The following THBS2 variants were observed in gnomAD, a reference collection of about 807,000 sequenced individuals.
THBS2 encodes the protein thrombospondin-2.
A neutral mutation model predicts 135.2 loss-of-function variants in THBS2; 47 were observed. The ratio of observed to expected loss-of-function variants is 0.35; its 90% confidence interval spans 0.28 to 0.44. The LOEUF (loss-of-function observed/expected upper bound fraction) is 0.44. Ranked by LOEUF, THBS2 falls within the 20% of genes least tolerant of loss-of-function variation. The pLI, the probability that THBS2 is intolerant of heterozygous loss-of-function variation, is 1.00. For synonymous variants in THBS2, 639 were observed against 633.8 expected, an observed-to-expected ratio of 1.01 and a Z score of -0.12; for missense variants, 1,288 against 1,603.1, an observed-to-expected ratio of 0.80 and a Z score of 3.36.
Position 169,234,830 on chromosome 6 carries a change from G to T in THBS2, c.1555C>A (p.Arg519=). ...TCAGGIRERT[R]VCNSPEPQYG... Reference sequence around the variant, plus strand: ...TGAGGCTCAGGGCTGTTGCAGACCCGGGTGCGCTCCCGGATCCCACCGGCA... The same window carrying T: ...TGAGGCTCAGGGCTGTTGCAGACCCTGGTGCGCTCCCGGATCCCACCGGCA... Residue 519 remains arginine (R), a synonymous_variant, in exon 10 of 22, where the codon CGG becomes AGG. Coordinates refer to ENST00000617924, the MANE Select transcript of THBS2 (RefSeq NM_003247.5). The T allele has an allele frequency of 6.2e-7, 1 of 1,613,242 alleles. No individual in the cohort carries two copies. Among genetic ancestry groups the T allele is most frequent in the East Asian group, 2.2e-5 (1 of 44,850 alleles).
At chr6:169,234,512 A>G (rs1276712123) in intron 10 of THBS2, 2 of 513,176 alleles carry the variant, frequency 3.9e-6, no homozygotes, top group African/African-American at 3.9e-5. Flanking sequence ...ACGCCACACA[A>G]CTACCCACAT....
At chr6:169,220,469 G>A (rs1779383823) in intron 20 of THBS2, 132 bp from the exon 21 acceptor site, 2 of 1,146,058 alleles carry the variant, frequency 1.7e-6, no homozygotes, top group Non-Finnish European at 2.5e-6. Flanking sequence ...GTGCCCCAGG[G>A]GGCATTGCTG....
rs1362487205 is a variant in THBS2 at position 169,223,251 on chromosome 6, C to T, written c.2998G>A (p.Val1000Ile). 2 of 1,613,208 alleles carry T rather than the reference C, an allele frequency of 1.2e-6. No homozygotes were observed. The highest frequency in any genetic ancestry group is 8.5e-7 in the Non-Finnish European group (1 of 1,179,412). Residue 1000 changes from valine to isoleucine, a missense_variant, in exon 18 of 22, where the codon GTA (valine) becomes ATA (isoleucine). Physicochemically the swap from Val to Ile is conservative, Grantham distance 29 (BLOSUM62 3). Coordinates refer to ENST00000617924, the MANE Select transcript of THBS2 (RefSeq NM_003247.5). ...CCGCCGTGTCTCAGAGACTCACCTA[C>T]AGCGATGCCGGGGTCCGAGTTGGCT... ...QTANSDPGIA[V>I]GFDEFGSVDF...
intron 4 of THBS2, among the ~76,000 whole-genome samples, chr6:169,245,494 G>A (rs1780508372): frequency 6.6e-6 from 1 of 152,126 alleles, no homozygotes; most frequent in African/African-American, 2.4e-5. Flanking sequence ...ACTATGAACA[G>A]TATAAGAAAA....
chr6:169,223,452 T>C lies in THBS2; in HGVS notation c.2797A>G (p.Lys933Glu). Residue 933 changes from lysine to glutamate, a missense_variant, in exon 18 of 22, where the codon AAA becomes GAA. Physicochemically the swap from Lys to Glu is moderately conservative, Grantham distance 56. Transcript: ENST00000617924. ...ATGTTGTCATTGTCAAAATCATCTTTACAAATATCACCCCGTCCATCACCT... is the reference window on the plus strand; with the variant it reads ...ATGTTGTCATTGTCAAAATCATCTTCACAAATATCACCCCGTCCATCACCT... ...LDGDGRGDIC[K>E]DDFDNDNIPD... The C allele has an allele frequency of 6.2e-7, 1 of 1,614,108 alleles. No individual in the cohort carries two copies. Among genetic ancestry groups the C allele is most frequent in the Non-Finnish European group, 8.5e-7 (1 of 1,180,024 alleles).
intron 9 of THBS2, 148 bp downstream of exon 9, chr6:169,237,022 C>T (rs989215466): frequency 1.9e-5 from 17 of 889,380 alleles, no homozygotes; most frequent in Non-Finnish European, 2.0e-5. Flanking sequence ...GAGCCAGGCC[C>T]GGGATGGCAG....
chr6:169,226,402 A>G, intron 15 of THBS2, 104 bp from the exon 16 acceptor site: 1 of 742,608 alleles, frequency 1.3e-6, no homozygotes, highest in Non-Finnish European at 2.3e-6. Flanking sequence ...GCTTACAGCC[A>G]CACTTCTATT....
chr6:169,242,643 TTCCCACCAC>T (rs1780363495), intron 4 of THBS2, among the ~76,000 whole-genome samples: 10 of 73,404 alleles, frequency 1.4e-4, no homozygotes, highest in East Asian at 5.1e-4. Flanking sequence ...CACTCCCACC[TTCCCACCAC>T]TCCCACCTTC....
rs773460104 is a variant in THBS2 at position 169,240,512 on chromosome 6, G to T, written c.972C>A (p.Gly324=). 1.2e-6 allele frequency: 2 copies of T among 1,614,004 alleles called. No homozygotes were observed. Among genetic ancestry groups the T allele is most frequent in the Non-Finnish European group, 1.7e-6 (2 of 1,180,034 alleles). The stretch of plus-strand genomic sequence containing the variant: ...ACGTTTCATTTTCCGCAAAGAACCG[G>T]CCATCCTGCCAGCAAGCTGACATGT... ...TRNMSACWQD[G]RFFAENETWV... Residue 324 remains glycine (G), a synonymous_variant, in exon 6 of 22, where the codon GGC becomes GGA. Transcript: ENST00000617924.
chr6:169,222,870 CTGACAG>C (rs1310591934), intron 18 of THBS2, among the ~76,000 whole-genome samples: 3 of 151,898 alleles, frequency 2.0e-5, no homozygotes, highest in Non-Finnish European at 4.4e-5. Context: ...CTGTGACCAT[CTGACAG>C]TGGATGCCCA....
intron 4 of THBS2, 67 bp downstream of exon 4, chr6:169,246,130 T>C (rs957045061): frequency 6.6e-6 from 9 of 1,366,756 alleles, no homozygotes; most frequent in Non-Finnish European, 9.4e-6. Context: ...CACACACACA[T>C]ACACCATGTC....
In THBS2 at chr6:169,216,754, T is replaced by TATG. The variant is rs1779186335; in HGVS notation, c.*1065_*1067dup. The TATG allele has an allele frequency of 1.3e-5, 2 of 152,216 alleles. No homozygotes were observed. Among genetic ancestry groups the TATG allele is most frequent in the Admixed American group, 1.3e-4 (2 of 15,290 alleles). 9.4% of individuals were successfully genotyped at this position (152,216 alleles called of 1,614,324 possible). ...GTTTGTTTCTAGAAATTATACTACATATGTGTTACTAGGCATATTTAAAAT... is the reference window on the plus strand; with the variant it reads ...GTTTGTTTCTAGAAATTATACTACATATGATGTGTTACTAGGCATATTTAAAAT... On this transcript the variant is annotated 3_prime_UTR_variant, in exon 22 of 22. Coordinates refer to ENST00000617924, the MANE Select transcript of THBS2 (RefSeq NM_003247.5).
chr6:169,242,788 AC>A (rs1780382192), intron 4 of THBS2, among the ~76,000 whole-genome samples: 1 of 61,102 alleles, frequency 1.6e-5, no homozygotes, highest in Non-Finnish European at 3.6e-5. Flanking sequence ...CCACCTTCCC[AC>A]CACTCCCACC....
Position 169,217,610 on chromosome 6 carries a change from T to G in THBS2, c.*212A>C. ...ATATCACCAAACTGGTTTCCTCTAG[T>G]GGGTTAGATGTTCATCTCTGAGTTC... On this transcript the variant is annotated 3_prime_UTR_variant, in exon 22 of 22. Coordinates refer to ENST00000617924, the MANE Select transcript of THBS2 (RefSeq NM_003247.5). 2 of 506,848 alleles carry G rather than the reference T, an allele frequency of 3.9e-6. No individual in the cohort carries two copies. The highest frequency in any genetic ancestry group is 2.0e-5 in the African/African-American group (1 of 51,190). The allele number at this position is 506,848 out of a possible 1,614,324, so 31.4% of individuals were successfully genotyped here.
At chr6:169,248,236 G>A (rs1198722983) in intron 3 of THBS2, among the ~76,000 whole-genome samples, 181 bp downstream of exon 3, 1 of 152,154 alleles carries the variant, frequency 6.6e-6, no homozygotes, top group Non-Finnish European at 1.5e-5. Context: ...GTGGTGGGCA[G>A]TGTGTGCATG....
chr6:169,250,583 G>T, intron 2 of THBS2, 150 bp downstream of exon 2: 1 of 606,656 alleles, frequency 1.6e-6, no homozygotes, highest in Non-Finnish European at 2.8e-6. Flanking sequence ...TATTGGCTCA[G>T]AAGTAAGTTA....
chr6:169,223,210 A>T (rs1217997040), intron 18 of THBS2, 38 bp downstream of exon 18: 1 of 1,590,494 alleles, frequency 6.3e-7, no homozygotes. Context: ...CCTCCCCCGG[A>T]GAAATGCTGG....
At chr6:169,242,718 T>TTCCCACCTTCCCACCTTCCCACCGC (rs1378580216) in intron 4 of THBS2, among the ~76,000 whole-genome samples, 2 of 61,408 alleles carry the variant, frequency 3.3e-5, no homozygotes, top group Admixed American at 1.8e-4. Context: ...CACTCCCACC[T>TTCCCACCTTCCCACCTTCCCACCGC]TCCCACCTTC....
intron 19 of THBS2, 38 bp from the exon 20 acceptor site, chr6:169,221,565 C>T (rs1184364760): frequency 6.3e-7 from 1 of 1,599,372 alleles, no homozygotes; most frequent in Non-Finnish European, 8.6e-7. Flanking sequence ...GCCATGGGCA[C>T]CCGGAGCCTT....
Sources: allele counts gnomAD v4.1 joint callset (sites outside exome capture counted in the v4.1 genomes callset), GRCh38; gene constraint gnomAD v4.1.1; transcripts MANE v1.5; gene names NCBI Gene and HGNC (gene_info 2026-07-23, HGNC 2026-07-21).